The following FRS2 variants were observed in gnomAD, a reference collection of about 807,000 sequenced individuals.
The protein encoded by FRS2 is FGFR signalling adaptor.
Under a neutral mutation model 43.9 loss-of-function variants are expected in FRS2, and 8 were observed. The observed-to-expected ratio is 0.18, with a 90% confidence interval of 0.11 to 0.33. The LOEUF is 0.33. Among genes scored for constraint, FRS2 ranks in the 10% least tolerant of loss-of-function variants. The pLI, the probability that FRS2 is intolerant of heterozygous loss-of-function variation, is 1.00. For missense variants in FRS2, 534 were observed against 627.6 expected, an observed-to-expected ratio of 0.85 and a Z score of 1.59; for synonymous variants, 219 against 220.3, an observed-to-expected ratio of 0.99 and a Z score of 0.05.
chr12:69,558,093 A>G (rs1879583729), intron 3 of FRS2, among the ~76,000 whole-genome samples: 1 of 152,162 alleles, frequency 6.6e-6, no homozygotes, highest in African/African-American at 2.4e-5. Context: ...GGACTTTGTC[A>G]GATTCACTGT....
At chr12:69,554,030 A>G (rs1879134417) in intron 3 of FRS2, among the ~76,000 whole-genome samples, 1 of 152,140 alleles carries the variant, frequency 6.6e-6, no homozygotes, top group Non-Finnish European at 1.5e-5. Flanking sequence ...GCTTGTTGGC[A>G]GGTTTCCAGC....
At chr12:69,476,753 C>CGGGGGGGGGGGTGGGGGGGGGGGGGG (rs60543134) in intron 1 of FRS2, among the ~76,000 whole-genome samples, 1 of 80,110 alleles carries the variant, frequency 1.2e-5, no homozygotes. Context: ...GGGGGAGGGA[C>CGGGGGGGGGGGTGGGGGGGGGGGGGG]GGGGGGGGGT....
chr12:69,540,430 T>C (rs1459713323), intron 3 of FRS2, among the ~76,000 whole-genome samples: 1 of 151,092 alleles, frequency 6.6e-6, no homozygotes, highest in African/African-American at 2.4e-5. Context: ...CTAACAGTGA[T>C]CAAAGTTGGA....
At chr12:69,470,918 G>T (rs1353246921) in intron 1 of FRS2, among the ~76,000 whole-genome samples, 1 of 152,168 alleles carries the variant, frequency 6.6e-6, no homozygotes, top group Non-Finnish European at 1.5e-5. Context: ...TTGGGCTCCA[G>T]TTCCCGACTT....
At chr12:69,499,941 C>T (rs1383953038) in intron 1 of FRS2, among the ~76,000 whole-genome samples, 1 of 152,048 alleles carries the variant, frequency 6.6e-6, no homozygotes, top group Non-Finnish European at 1.5e-5. Context: ...TTAAAATGGC[C>T]ACAATTCTGG....
chr12:69,499,572 A>G (rs936803697), intron 1 of FRS2, among the ~76,000 whole-genome samples: 10 of 152,192 alleles, frequency 6.6e-5, no homozygotes, highest in Admixed American at 1.3e-4. Context: ...ACAAGGCTAC[A>G]TATCTCCTCT....
intron 3 of FRS2, among the ~76,000 whole-genome samples, chr12:69,548,635 T>C (rs1878617897): frequency 6.6e-6 from 1 of 152,164 alleles, no homozygotes; most frequent in South Asian, 2.1e-4. Flanking sequence ...TAAATCAGGG[T>C]TCTGGCAGGA....
At chr12:69,557,636 GC>G (rs1879531476) in intron 3 of FRS2, among the ~76,000 whole-genome samples, 1 of 146,802 alleles carries the variant, frequency 6.8e-6, no homozygotes, top group Non-Finnish European at 1.5e-5. Flanking sequence ...GCGCGCGCGC[GC>G]AGGTGCATGC....
intron 3 of FRS2, among the ~76,000 whole-genome samples, chr12:69,534,619 C>T (rs1877101710): frequency 6.6e-6 from 1 of 152,162 alleles, no homozygotes; most frequent in Admixed American, 6.5e-5. Context: ...GCTGAGAGGG[C>T]AAGTTCTCGA....
intron 1 of FRS2, among the ~76,000 whole-genome samples, chr12:69,513,844 G>A (rs1055260929): frequency 2.0e-5 from 3 of 152,058 alleles, no homozygotes; most frequent in African/African-American, 4.8e-5. Context: ...GCTACTCCTT[G>A]GATAGAGTTG....
At position 69,485,134 on chromosome 12, in the gene FRS2, C is replaced by CACACACACACACACACACACACACACAT. The variant is rs1194988609; in HGVS notation, c.-261+14606_-261+14607insACACACACACACACACACACACACATAC. Among the ~76,000 whole-genome samples the CACACACACACACACACACACACACACAT allele has an allele frequency of 3.4e-3, 461 of 134,314 alleles. 16 individuals are homozygous for CACACACACACACACACACACACACACAT. The highest frequency in any genetic ancestry group is 0.019 in the East Asian group (78 of 4,140). The allele number at this position is 134,314 out of a possible 152,430, so 88.1% of individuals were successfully genotyped here. A position where few individuals can be genotyped will look rare whatever the true frequency, so the allele number is the denominator to read the frequency against. On this transcript the variant is annotated intron_variant, in intron 1 of 8. Coordinates refer to ENST00000549921, the MANE Select transcript of FRS2 (RefSeq NM_001278356.2). ...ACACACACACACACACACACACACACACTCTCACCCCCCTAAAACTCTTAA... is the reference window on the plus strand; with the variant it reads ...ACACACACACACACACACACACACACACACACACACACACACACACACACACATACTCTCACCCCCCTAAAACTCTTAA...
chr12:69,572,979 G>C (rs750617479), intron 8 of FRS2, among the ~76,000 whole-genome samples: 30 of 152,046 alleles, frequency 2.0e-4, no homozygotes, highest in Non-Finnish European at 3.4e-4. Context: ...TACAGGCGCA[G>C]GCCACCACAT....
At chr12:69,534,901 A>G (rs1391782999) in intron 3 of FRS2, among the ~76,000 whole-genome samples, 1 of 152,124 alleles carries the variant, frequency 6.6e-6, no homozygotes, top group East Asian at 1.9e-4. Context: ...TGCTTGATAG[A>G]TACATATTTT....
chr12:69,550,686 G>T (rs1035955353), intron 3 of FRS2, among the ~76,000 whole-genome samples: 2 of 152,172 alleles, frequency 1.3e-5, no homozygotes, highest in African/African-American at 4.8e-5. Context: ...TATGCCATTT[G>T]TCAATTACAT....
chr12:69,562,599 TTA>T (rs1271759009), intron 4 of FRS2, among the ~76,000 whole-genome samples: 2 of 152,360 alleles, frequency 1.3e-5, no homozygotes, highest in East Asian at 3.9e-4. Flanking sequence ...GTTTACTAAT[TTA>T]AAGTATTCAG....
Position 69,551,319 on chromosome 12 carries a change from C to T in FRS2, c.-121-10861C>T, listed in dbSNP as rs1878851881. 1.3e-5 allele frequency among the ~76,000 whole-genome samples: 2 copies of T among 152,166 alleles called. 1 individual carries two copies. The highest frequency in any genetic ancestry group is 4.1e-4 in the South Asian group (2 of 4,824). ...AGTGAGCTTTGATCGCCCCACTACA[C>T]TGCAGCCTGGGCAATGGAGCGAGAC... On this transcript the variant is annotated intron_variant, in intron 3 of 8. Transcript: ENST00000549921.
intron 4 of FRS2, among the ~76,000 whole-genome samples, chr12:69,567,348 C>A (rs1055465553): frequency 2.0e-5 from 3 of 152,134 alleles, no homozygotes; most frequent in Non-Finnish European, 4.4e-5. Context: ...TTGGTTTATA[C>A]GCTAGTACAC....
intron 3 of FRS2, among the ~76,000 whole-genome samples, chr12:69,533,611 A>C (rs1289753864): frequency 6.6e-6 from 1 of 152,122 alleles, no homozygotes; most frequent in East Asian, 1.9e-4. Flanking sequence ...GGCCTCCCAA[A>C]GTGTTGGGAT....
Position 69,575,543 on chromosome 12 carries a change from A to G in FRS2, c.*588A>G, listed in dbSNP as rs937956666. 7.9e-5 allele frequency: 12 copies of G among 152,718 alleles called. No homozygotes were observed. Among genetic ancestry groups the G allele is most frequent in the African/African-American group, 2.9e-4 (12 of 41,452 alleles). The allele number at this position is 152,718 out of a possible 1,614,324, so 9.5% of individuals were successfully genotyped here. On this transcript the variant is annotated 3_prime_UTR_variant, in exon 9 of 9. Coordinates refer to ENST00000549921, the MANE Select transcript of FRS2 (RefSeq NM_001278356.2). ...TGTTACTAGAAAGCGGCCTGTGTCC[A>G]TGAGTGTGCTTTGCTGTTGGTGCAC...
Sources: allele counts gnomAD v4.1 joint callset (sites outside exome capture counted in the v4.1 genomes callset), GRCh38; gene constraint gnomAD v4.1.1; transcripts MANE v1.5; gene names NCBI Gene and HGNC (gene_info 2026-07-23, HGNC 2026-07-21).